The following COL19A1 variants were observed in gnomAD, a reference collection of about 807,000 sequenced individuals.
The protein encoded by COL19A1 is collagen alpha-1(XIX) chain.
COL19A1 carries 159 observed loss-of-function variants against 190.2 expected under a neutral mutation model. The ratio of observed to expected loss-of-function variants is 0.84; its 90% CI spans 0.73 to 0.95. The LOEUF (loss-of-function observed/expected upper bound fraction) is 0.95. Ranked by LOEUF, COL19A1 falls within the 40% of genes least tolerant of loss-of-function variation. COL19A1 has a pLI of 0.00. For synonymous variants in COL19A1, 509 were observed against 458.9 expected (o/e 1.11, Z -1.39); for missense variants, 1,418 against 1,431.9 (o/e 0.99, Z 0.16).
At chr6:70,118,816 T>A (rs941724479) in intron 16 of COL19A1, among the ~76,000 whole-genome samples, 1 of 85,066 alleles carries the variant, frequency 1.2e-5, no homozygotes, top group African/African-American at 5.3e-5. Flanking sequence ...TTTAGTGAGT[T>A]GTGCCCTTGC....
intron 11 of COL19A1, among the ~76,000 whole-genome samples, chr6:70,009,182 G>C (rs1390829009): frequency 6.6e-6 from 1 of 151,992 alleles, no homozygotes; most frequent in African/African-American, 2.4e-5. Flanking sequence ...AGCCATTAAA[G>C]ACATATAAAA....
At chr6:70,061,431 G>C (rs1780822594) in intron 14 of COL19A1, among the ~76,000 whole-genome samples, 1 of 151,942 alleles carries the variant, frequency 6.6e-6, no homozygotes, top group Admixed American at 6.6e-5. Context: ...TGTGGAGGAG[G>C]AGATCAGAGT....
At chr6:70,060,799 A>G (rs1226879304) in intron 14 of COL19A1, among the ~76,000 whole-genome samples, 1 of 152,204 alleles carries the variant, frequency 6.6e-6, no homozygotes, top group Non-Finnish European at 1.5e-5. Flanking sequence ...ACAAAAAAAT[A>G]TAATGTGCTT....
intron 11 of COL19A1, among the ~76,000 whole-genome samples, chr6:70,018,637 G>T (rs1343038288): frequency 2.0e-5 from 3 of 152,124 alleles, no homozygotes; most frequent in African/African-American, 7.2e-5. Flanking sequence ...CTTTAGGTCA[G>T]GTAGTTGATT....
At chr6:70,176,656 C>A (rs1302288172) in intron 42 of COL19A1, 92 bp downstream of exon 42, 7 of 1,176,926 alleles carry the variant, frequency 5.9e-6, no homozygotes, top group Admixed American at 2.2e-5. Flanking sequence ...GGCAGGAGAG[C>A]ATACCATAAC....
intron 15 of COL19A1, among the ~76,000 whole-genome samples, chr6:70,069,019 G>T (rs1781406995): frequency 6.6e-6 from 1 of 152,084 alleles, no homozygotes; most frequent in Non-Finnish European, 1.5e-5. Flanking sequence ...ACGAAGCCCT[G>T]CAGTGTTATG....
rs112493496 is a variant in COL19A1 at position 69,941,910 on chromosome 6, G to A, written c.936+3810G>A. Among the ~76,000 whole-genome samples the A allele has an allele frequency of 8.3e-3, 1,261 of 152,110 alleles. 18 individuals are homozygous for A. The highest frequency in any genetic ancestry group is 0.026 in the African/African-American group (1,071 of 41,496). ...TCACCATGTTGACCAGGCTGGTCTCGAACTCCTGACCTCAGGTCATCCACC... is the reference window on the plus strand; with the variant it reads ...TCACCATGTTGACCAGGCTGGTCTCAAACTCCTGACCTCAGGTCATCCACC... On this transcript the variant is annotated intron_variant, in intron 9 of 50. Transcript: ENST00000620364.
chr6:70,121,976 A>G, intron 17 of COL19A1, 34 bp downstream of exon 17: 1 of 1,365,002 alleles, frequency 7.3e-7, no homozygotes, highest in Non-Finnish European at 1.0e-6. Flanking sequence ...TTTATAATAC[A>G]TAGAAATTTT....
In COL19A1 at chr6:70,194,577, C is replaced by T. The variant is rs115627103; in HGVS notation, c.3094+4196C>T. On this transcript the variant is annotated intron_variant, in intron 48 of 50. Transcript: ENST00000620364. Reference sequence around the variant, plus strand: ...TCCTTTTGCTAGTAAAGTGACCACACAGGACAAGGACAGATGCCATCCATG... The same window carrying T: ...TCCTTTTGCTAGTAAAGTGACCACATAGGACAAGGACAGATGCCATCCATG... 2.4e-3 allele frequency among the ~76,000 whole-genome samples: 362 copies of T among 152,276 alleles called. 2 individuals are homozygous for T. Among genetic ancestry groups the T allele is most frequent in the African/African-American group, 8.4e-3 (348 of 41,548 alleles).
At position 70,149,281 on chromosome 6, in the gene COL19A1, T is replaced by C. The variant is rs1786877332; in HGVS notation, c.1894-423T>C. Among the ~76,000 whole-genome samples, 3 of 152,174 alleles carry C rather than the reference T, an allele frequency of 2.0e-5. No homozygotes were observed. In the South Asian group the frequency reaches 6.2e-4, roughly 32 times the overall value. On this transcript the variant is annotated intron_variant, in intron 27 of 50. Transcript: ENST00000620364. ...AAAAAAAAATCATTGATTAGTGTTT[T>C]ACCTCCTACTCCTGTCACTGAACAC...
chr6:70,023,179 G>C (rs1407096023), intron 11 of COL19A1, among the ~76,000 whole-genome samples: 1 of 149,136 alleles, frequency 6.7e-6, no homozygotes, highest in Non-Finnish European at 1.5e-5. Context: ...TCTTACCCAG[G>C]CTGGAGTGCA....
At chr6:69,929,783 A>T in intron 6 of COL19A1, 83 bp downstream of exon 6, 1 of 1,300,112 alleles carries the variant, frequency 7.7e-7, no homozygotes. Context: ...TTCTTTTATT[A>T]CTGTGTAATA....
At chr6:69,921,377 C>CAT (rs1279014388) in intron 4 of COL19A1, among the ~76,000 whole-genome samples, 1 of 94,552 alleles carries the variant, frequency 1.1e-5, no homozygotes, top group Non-Finnish European at 1.9e-5. Flanking sequence ...TCATATATAT[C>CAT]ATATATATCA....
intron 14 of COL19A1, chr6:70,059,927 G>GA (rs542286571): frequency 3.4e-5 from 11 of 325,650 alleles, no homozygotes; most frequent in South Asian, 1.0e-4. Flanking sequence ...AATTGAAGAA[G>GA]AAAAAAAATC....
At chr6:70,038,493 C>T (rs1779470928) in intron 14 of COL19A1, among the ~76,000 whole-genome samples, 3 of 152,086 alleles carry the variant, frequency 2.0e-5, no homozygotes, top group South Asian at 4.1e-4. Context: ...TAATACATAG[C>T]GATAAAGAAC....
intron 11 of COL19A1, among the ~76,000 whole-genome samples, chr6:70,009,068 A>G (rs1777821609): frequency 6.6e-6 from 1 of 152,020 alleles, no homozygotes; most frequent in South Asian, 2.1e-4. Context: ...CTTAATGGTG[A>G]AAGACTGAAC....
chr6:69,940,789 C>T (rs1324528707), intron 9 of COL19A1, among the ~76,000 whole-genome samples: 3 of 152,128 alleles, frequency 2.0e-5, no homozygotes, highest in East Asian at 1.9e-4. Context: ...GTAAAAATGA[C>T]ATTAGATGAC....
At chr6:70,036,069 T>C (rs1255596953) in intron 14 of COL19A1, 130 bp downstream of exon 14, 18 of 801,212 alleles carry the variant, frequency 2.2e-5, no homozygotes, top group Non-Finnish European at 3.5e-5. Flanking sequence ...GTACATGTAG[T>C]CAAACCTCCA....
chr6:70,082,382 T>C (rs1458366731), intron 15 of COL19A1, among the ~76,000 whole-genome samples: 1 of 152,182 alleles, frequency 6.6e-6, no homozygotes, highest in Non-Finnish European at 1.5e-5. Context: ...CTTAATGTCA[T>C]TAAAACAAAA....
Sources: gnomAD v4.1 joint callset for allele counts (sites outside exome capture counted in the v4.1 genomes callset) on GRCh38, gnomAD v4.1.1 for gene constraint, MANE v1.5 for transcripts, NCBI Gene and HGNC (gene_info 2026-07-23, HGNC 2026-07-21) for gene names.